Variants in PARD3 observed in about 807,000 individuals in gnomAD.
PARD3 encodes par-3 family cell polarity regulator, also known as partitioning defective 3 homolog.
A neutral mutation model predicts 155.4 loss-of-function variants in PARD3; 75 were observed. The observed-to-expected ratio is 0.48, with a 90% CI of 0.40 to 0.58. The LOEUF (loss-of-function observed/expected upper bound fraction) is 0.58, where lower values mean the gene tolerates loss of function less well. Among genes scored for constraint, PARD3 ranks in the 20% least tolerant of loss-of-function variants. PARD3 has a pLI of 0.00. For missense variants in PARD3, 1,642 were observed against 1,721.7 expected, an observed-to-expected ratio of 0.95 and a Z score of 0.82; for synonymous variants, 576 against 610.5, an observed-to-expected ratio of 0.94 and a Z score of 0.83.
intron 22 of PARD3, among the ~76,000 whole-genome samples, chr10:34,196,864 T>C (rs12218196): frequency 0.022 from 3,324 of 152,242 alleles, 152 homozygotes; most frequent in East Asian, 0.2. Flanking sequence ...ATTGCTAATG[T>C]AGGTAAGAAG....
At chr10:34,245,817 T>C (rs1296688698) in intron 22 of PARD3, among the ~76,000 whole-genome samples, 11 of 152,138 alleles carry the variant, frequency 7.2e-5, no homozygotes, top group Admixed American at 6.5e-4. Flanking sequence ...TCTGTCCCCG[T>C]TGAGTTCGTG....
intron 1 of PARD3, among the ~76,000 whole-genome samples, chr10:34,699,830 G>T (rs1185396809): frequency 1.3e-5 from 2 of 152,118 alleles, no homozygotes; most frequent in Non-Finnish European, 2.9e-5. Flanking sequence ...AGCTGTGATT[G>T]TATCACTGCA....
intron 2 of PARD3, among the ~76,000 whole-genome samples, chr10:34,527,753 T>G (rs1292050118): frequency 6.6e-6 from 1 of 152,182 alleles, no homozygotes; most frequent in Non-Finnish European, 1.5e-5. Flanking sequence ...AGGTTAATAT[T>G]ACAGTACAAA....
At chr10:34,427,104 T>C (rs2075650218) in intron 5 of PARD3, among the ~76,000 whole-genome samples, 2 of 152,166 alleles carry the variant, frequency 1.3e-5, no homozygotes, top group South Asian at 4.1e-4. Flanking sequence ...CTGCACAAAT[T>C]GATTGTAGAG....
At chr10:34,707,678 T>A (rs1328482895) in intron 1 of PARD3, among the ~76,000 whole-genome samples, 3 of 152,202 alleles carry the variant, frequency 2.0e-5, no homozygotes, top group Non-Finnish European at 4.4e-5. Context: ...AGCTATTACA[T>A]CTTTAAAATG....
At chr10:34,350,237 C>T (rs1302976131) in intron 14 of PARD3, among the ~76,000 whole-genome samples, 2 of 152,184 alleles carry the variant, frequency 1.3e-5, no homozygotes, top group African/African-American at 4.8e-5. Context: ...AGAGGGGGCA[C>T]CAGCGGCACT....
At position 34,519,493 on chromosome 10, in the gene PARD3, T is replaced by A. The variant is rs185652825; in HGVS notation, c.223-2334A>T. 3.3e-5 allele frequency among the ~76,000 whole-genome samples: 5 copies of A among 152,250 alleles called. No individual in the cohort carries two copies. The East Asian group carries it at 9.7e-4, about 29-fold the overall frequency. Reference sequence around the variant, plus strand: ...TGTCTTCTTATAACTAATACAGTTCTTAAAATGCTAATATACTTCTTATAA... The same window carrying A: ...TGTCTTCTTATAACTAATACAGTTCATAAAATGCTAATATACTTCTTATAA... On this transcript the variant is annotated intron_variant, in intron 2 of 24. Coordinates refer to ENST00000374788, the MANE Select transcript of PARD3 (RefSeq NM_001184785.2).
intron 19 of PARD3, among the ~76,000 whole-genome samples, chr10:34,325,839 G>A (rs1834962053): frequency 6.6e-6 from 1 of 151,566 alleles, no homozygotes; most frequent in African/African-American, 2.4e-5. Flanking sequence ...CTTAAAAAAT[G>A]GGGCCTGGTG....
chr10:34,499,438 G>C (rs2080522978), intron 3 of PARD3, among the ~76,000 whole-genome samples: 1 of 151,958 alleles, frequency 6.6e-6, no homozygotes, highest in Admixed American at 6.6e-5. Flanking sequence ...GACACAAAAA[G>C]TTATTTGCGA....
intron 5 of PARD3, among the ~76,000 whole-genome samples, chr10:34,404,080 C>T (rs1400164241): frequency 3.9e-5 from 6 of 152,128 alleles, no homozygotes; most frequent in African/African-American, 7.2e-5. Flanking sequence ...TTATCAGGCA[C>T]CAAAGAGCAT....
chr10:34,306,841 A>G (rs1957435787), intron 20 of PARD3, among the ~76,000 whole-genome samples: 1 of 151,968 alleles, frequency 6.6e-6, no homozygotes, highest in Admixed American at 6.6e-5. Context: ...TTGCAAAATT[A>G]CCCCCAACAG....
chr10:34,136,636 T>C (rs1947912525), intron 22 of PARD3, among the ~76,000 whole-genome samples: 1 of 152,148 alleles, frequency 6.6e-6, no homozygotes, highest in African/African-American at 2.4e-5. Flanking sequence ...GAGATGATTA[T>C]AAACTCTGGT....
Position 34,378,162 on chromosome 10 carries a change from G to C in PARD3, c.1400-56C>G. 5 of 1,345,876 alleles carry C rather than the reference G, an allele frequency of 3.7e-6. No individual in the cohort carries two copies. In the South Asian group the frequency reaches 5.3e-5, roughly 14 times the overall value. 83.4% of individuals were successfully genotyped at this position (1,345,876 alleles called of 1,614,324 possible). On this transcript the variant is annotated intron_variant, in intron 9 of 24. Coordinates refer to ENST00000374788, the MANE Select transcript of PARD3 (RefSeq NM_001184785.2). ...AAAATGAGATATCTTGAATTTTACA[G>C]GTGTATTGCACCAGTATACTCAACC...
intron 2 of PARD3, among the ~76,000 whole-genome samples, chr10:34,538,808 T>C (rs1421097835): frequency 2.6e-5 from 4 of 152,204 alleles, no homozygotes; most frequent in African/African-American, 9.7e-5. Flanking sequence ...ATGATCCAAG[T>C]AGGAGATCAT....
chr10:34,575,023 T>C (rs2086774708), intron 2 of PARD3, among the ~76,000 whole-genome samples: 1 of 152,162 alleles, frequency 6.6e-6, no homozygotes. Context: ...GACAGGGTCC[T>C]ACTCCGTCAC....
At chr10:34,416,347 G>C (rs1452665845) in intron 5 of PARD3, among the ~76,000 whole-genome samples, 1 of 152,176 alleles carries the variant, frequency 6.6e-6, no homozygotes, top group Non-Finnish European at 1.5e-5. Flanking sequence ...ACGTCCAGGA[G>C]AGTGGCTCAT....
At chr10:34,670,931 T>G (rs1031507619) in intron 2 of PARD3, among the ~76,000 whole-genome samples, 1 of 152,226 alleles carries the variant, frequency 6.6e-6, no homozygotes, top group Non-Finnish European at 1.5e-5. Context: ...CTCCTCATTT[T>G]ACAACTGATT....
chr10:34,384,375 G>A, intron 7 of PARD3, 121 bp from the exon 8 acceptor site: 1 of 920,170 alleles, frequency 1.1e-6, no homozygotes, highest in Non-Finnish European at 1.6e-6. Flanking sequence ...ATGTTAAAAT[G>A]ACTATTCATA....
intron 4 of PARD3, among the ~76,000 whole-genome samples, chr10:34,457,930 C>T (rs868285295): frequency 1.3e-5 from 2 of 152,176 alleles, no homozygotes; most frequent in Non-Finnish European, 2.9e-5. Flanking sequence ...AAATTTCCAA[C>T]TTCTCATTCT....
Sources: allele counts gnomAD v4.1 joint callset (sites outside exome capture counted in the v4.1 genomes callset), GRCh38; gene constraint gnomAD v4.1.1; transcripts MANE v1.5; gene names NCBI Gene and HGNC (gene_info 2026-07-23, HGNC 2026-07-21).